Variants in CDH4 observed in about 807,000 individuals in gnomAD.
CDH4 encodes cadherin-4.
CDH4 carries 33 observed loss-of-function variants against 86.0 expected under a neutral mutation model. That is an observed-to-expected ratio of 0.38 (90% CI 0.29 to 0.51). The LOEUF is 0.51. Ranked by LOEUF, CDH4 falls within the 20% of genes least tolerant of loss-of-function variation. The pLI, the probability that CDH4 is intolerant of heterozygous loss-of-function variation, is 0.86. For missense variants in CDH4, 1,114 were observed against 1,307.4 expected, an observed-to-expected ratio of 0.85 and a Z score of 2.28; for synonymous variants, 555 against 549.4, an observed-to-expected ratio of 1.01 and a Z score of -0.14.
chr20:61,440,817 G>C (rs544492149), intron 2 of CDH4, among the ~76,000 whole-genome samples: 1 of 152,330 alleles, frequency 6.6e-6, no homozygotes, highest in South Asian at 2.1e-4. Context: ...CTCTGAGACA[G>C]GCACAGCATG....
chr20:61,259,406 A>G (rs2084117322), intron 2 of CDH4, among the ~76,000 whole-genome samples: 1 of 152,240 alleles, frequency 6.6e-6, no homozygotes, highest in African/African-American at 2.4e-5. Context: ...CTAGATACAC[A>G]GGCAAGAATG....
intron 2 of CDH4, among the ~76,000 whole-genome samples, chr20:61,699,659 G>C (rs920447913): frequency 3.9e-5 from 6 of 152,208 alleles, no homozygotes; most frequent in Admixed American, 2.0e-4. Flanking sequence ...GTTGTTTCGT[G>C]GAGGTCACTG....
chr20:61,418,829 A>T (rs921412276), intron 2 of CDH4, among the ~76,000 whole-genome samples: 1 of 152,014 alleles, frequency 6.6e-6, no homozygotes, highest in African/African-American at 2.4e-5. Flanking sequence ...CTGTGATTAT[A>T]TGGCAGCACC....
At chr20:61,391,035 G>A (rs977669774) in intron 2 of CDH4, among the ~76,000 whole-genome samples, 1 of 152,280 alleles carries the variant, frequency 6.6e-6, no homozygotes, top group African/African-American at 2.4e-5. Context: ...GCCGCAGTGG[G>A]GGGTAGCCTG....
At chr20:61,862,903 G>A (rs926101572) in intron 6 of CDH4, among the ~76,000 whole-genome samples, 2 of 152,134 alleles carry the variant, frequency 1.3e-5, no homozygotes, top group East Asian at 3.9e-4. Context: ...ACAGCACCGA[G>A]TTTTTGCTTA....
At chr20:61,778,118 TC>T (rs1293914399) in intron 4 of CDH4, among the ~76,000 whole-genome samples, 2 of 152,232 alleles carry the variant, frequency 1.3e-5, no homozygotes, top group African/African-American at 4.8e-5. Flanking sequence ...TGAATTCTTA[TC>T]TAGCACAGGC....
At chr20:61,556,891 C>T (rs757138832) in intron 2 of CDH4, among the ~76,000 whole-genome samples, 14 of 152,228 alleles carry the variant, frequency 9.2e-5, no homozygotes, top group South Asian at 2.1e-4. Flanking sequence ...ACACGTGAGG[C>T]GCCGCCATCC....
intron 2 of CDH4, among the ~76,000 whole-genome samples, chr20:61,300,669 C>G (rs1016766479): frequency 6.6e-6 from 1 of 152,214 alleles, no homozygotes; most frequent in Non-Finnish European, 1.5e-5. Context: ...CACACAGGAC[C>G]CCTGGCCCCC....
At chr20:61,316,158 C>T (rs2084475141) in intron 2 of CDH4, among the ~76,000 whole-genome samples, 1 of 152,126 alleles carries the variant, frequency 6.6e-6, no homozygotes, top group African/African-American at 2.4e-5. Context: ...TAGGATGGGG[C>T]AGGTTTCAGG....
At chr20:61,370,190 G>A (rs2123333747) in intron 2 of CDH4, 1 of 152,516 alleles carries the variant, frequency 6.6e-6, no homozygotes, top group Non-Finnish European at 1.5e-5. Flanking sequence ...GGTGGCCCTG[G>A]GAAGTTGTGC....
intron 2 of CDH4, among the ~76,000 whole-genome samples, chr20:61,352,062 A>G (rs1302250758): frequency 1.3e-5 from 2 of 152,098 alleles, no homozygotes; most frequent in African/African-American, 2.4e-5. Flanking sequence ...TATTGAGTAC[A>G]GTCACCCTGT....
At chr20:61,899,022 C>T (rs1265678980) in intron 8 of CDH4, among the ~76,000 whole-genome samples, 1 of 152,084 alleles carries the variant, frequency 6.6e-6, no homozygotes, top group African/African-American at 2.4e-5. Context: ...GAGGGCCGGG[C>T]GCAGTGGCCC....
In CDH4 at chr20:61,480,062, C is replaced by T. The variant is rs537716420; in HGVS notation, c.169+225125C>T. On this transcript the variant is annotated intron_variant, in intron 2 of 15. Transcript: ENST00000614565. The surrounding 1 kb of genome is among the most constrained non-coding windows in gnomAD (Gnocchi z 5.2). ...GGACATCTTTTGTGTCTTGATCTGT[C>T]GATGTTTTCTTCTGCATTCTTCAAC... Among the ~76,000 whole-genome samples, 16 of 152,204 alleles carry T rather than the reference C, an allele frequency of 1.1e-4. No individual in the cohort carries two copies. In the South Asian group the frequency reaches 1.7e-3, roughly 16 times the overall value.
chr20:61,315,205 G>C (rs1792202331), intron 2 of CDH4, among the ~76,000 whole-genome samples: 1 of 152,068 alleles, frequency 6.6e-6, no homozygotes, highest in South Asian at 2.1e-4. Flanking sequence ...GAATGGGTTG[G>C]GTGGGGCTTG....
At chr20:61,407,679 A>G (rs1447831861) in intron 2 of CDH4, among the ~76,000 whole-genome samples, 1 of 152,234 alleles carries the variant, frequency 6.6e-6, no homozygotes, top group Admixed American at 6.5e-5. Context: ...GATAAGCTGT[A>G]TTCTAGTAGC....
chr20:61,726,511 G>A (rs1424297317), intron 2 of CDH4, among the ~76,000 whole-genome samples: 1 of 152,158 alleles, frequency 6.6e-6, no homozygotes, highest in East Asian at 1.9e-4. Flanking sequence ...GGTGCTCTGT[G>A]TCTCGAGTTT....
At position 61,936,856 on chromosome 20, in the gene CDH4, C is replaced by G. The variant is rs376844208; in HGVS notation, c.2664C>G (p.Ser888=). 27 of 1,608,010 alleles carry G rather than the reference C, an allele frequency of 1.7e-5. No homozygotes were observed. The African/African-American group carries it at 2.8e-4, about 17-fold the overall frequency. ...GSVSSLNSSS[S]GDQDYDYLND... The stretch of plus-strand genomic sequence containing the variant: ...TCAGCTCCCTGAACTCATCCAGTTC[C>G]GGGGACCAAGACTACGATTACCTCA... The change falls in exon 16 of 16, where the codon TCC becomes TCG. Residue 888 remains serine (S), a synonymous_variant. Coordinates refer to ENST00000614565, the MANE Select transcript of CDH4 (RefSeq NM_001794.5).
intron 2 of CDH4, among the ~76,000 whole-genome samples, chr20:61,259,666 TTCTC>T (rs150471311): frequency 2.6e-5 from 4 of 151,640 alleles, no homozygotes; most frequent in African/African-American, 7.3e-5. Context: ...CCAGTATTGA[TTCTC>T]TCTCTCTCTC....
At chr20:61,932,594 C>A (rs112592067) in intron 13 of CDH4, among the ~76,000 whole-genome samples, 16 of 152,134 alleles carry the variant, frequency 1.1e-4, no homozygotes, top group Non-Finnish European at 2.4e-4. Context: ...CAGATCTACA[C>A]GCTCACACCC....
Sources: gnomAD v4.1 joint callset for allele counts (sites outside exome capture counted in the v4.1 genomes callset) on GRCh38, gnomAD v4.1.1 for gene constraint, Gnocchi (gnomAD v3.1) non-coding constraint, MANE v1.5 for transcripts, NCBI Gene and HGNC (gene_info 2026-07-23, HGNC 2026-07-21) for gene names.